Variants in KDM4B observed in about 807,000 individuals in gnomAD.
KDM4B encodes lysine demethylase 4B, also known as lysine-specific demethylase 4B.
KDM4B carries 32 observed loss-of-function variants against 125.2 expected under a neutral mutation model. That is an observed-to-expected ratio of 0.26 (90% CI 0.19 to 0.34). KDM4B has a LOEUF of 0.34. Among genes scored for constraint, KDM4B ranks in the 10% least tolerant of loss-of-function variants. The pLI is 1.00. For synonymous variants in KDM4B, 721 were observed against 677.9 expected (o/e 1.06, Z -0.99); for missense variants, 1,190 against 1,577.7 (o/e 0.75, Z 4.16).
At chr19:5,090,481 T>TCTTTCTCTCCCCCC (rs2038667940) in intron 9 of KDM4B, among the ~76,000 whole-genome samples, 1 of 24,046 alleles carries the variant, frequency 4.2e-5, no homozygotes. Context: ...TCTCCCCCCC[T>TCTTTCTCTCCCCCC]CTCTTTCTCT....
At chr19:5,031,311 G>A (rs1304685013) in intron 2 of KDM4B, among the ~76,000 whole-genome samples, 6 of 152,240 alleles carry the variant, frequency 3.9e-5, no homozygotes, top group Non-Finnish European at 8.8e-5. Context: ...CTGGGCACAG[G>A]CAGCTCTGGT....
At chr19:5,086,794 C>T (rs990314946) in intron 9 of KDM4B, among the ~76,000 whole-genome samples, 5 of 152,256 alleles carry the variant, frequency 3.3e-5, no homozygotes. Flanking sequence ...GCAGGCCAGA[C>T]CACTGCCACA....
intron 1 of KDM4B, among the ~76,000 whole-genome samples, chr19:5,014,584 A>G (rs1311879224): frequency 1.3e-5 from 2 of 151,778 alleles, no homozygotes; most frequent in Non-Finnish European, 2.9e-5. Context: ...CTAAGTTTTA[A>G]ATTTTTTGTA....
chr19:5,104,451 A>T (rs921307113), intron 9 of KDM4B, among the ~76,000 whole-genome samples: 1 of 152,044 alleles, frequency 6.6e-6, no homozygotes, highest in African/African-American at 2.4e-5. Flanking sequence ...TTTTATGGCC[A>T]CAATTGCAGA....
chr19:5,122,053 G>A (rs964651700), intron 11 of KDM4B, among the ~76,000 whole-genome samples: 11 of 152,168 alleles, frequency 7.2e-5, no homozygotes, highest in Admixed American at 3.9e-4. Flanking sequence ...CCTTGGTGGC[G>A]TAAAACAACA....
At chr19:5,010,692 G>A (rs2035700952) in intron 1 of KDM4B, among the ~76,000 whole-genome samples, 1 of 152,176 alleles carries the variant, frequency 6.6e-6, no homozygotes, top group African/African-American at 2.4e-5. Context: ...CTTTTGCCCA[G>A]GCTGGAATGC....
At chr19:5,150,942 G>T (rs2039936058) in intron 22 of KDM4B, among the ~76,000 whole-genome samples, 1 of 152,252 alleles carries the variant, frequency 6.6e-6, no homozygotes, top group African/African-American at 2.4e-5. Flanking sequence ...CGCTCCCCCA[G>T]CCCTCATGGG....
At chr19:5,107,841 G>A (rs2620857) in intron 9 of KDM4B, among the ~76,000 whole-genome samples, 47,001 of 152,166 alleles carry the variant, frequency 0.31, 7,587 homozygotes, top group East Asian at 0.63. Context: ...CTGTGTCCTC[G>A]AAGGCTGTGC....
At chr19:4,987,203 C>T (rs2034867204) in intron 1 of KDM4B, among the ~76,000 whole-genome samples, 1 of 152,206 alleles carries the variant, frequency 6.6e-6, no homozygotes, top group Non-Finnish European at 1.5e-5. Context: ...AGGTGATCTG[C>T]TCTCCTCGGC....
At chr19:5,140,184 T>G (rs998852328) in intron 18 of KDM4B, 2 of 152,522 alleles carry the variant, frequency 1.3e-5, no homozygotes, top group African/African-American at 4.8e-5. Context: ...AGGCCCCCAG[T>G]GTCACCTACT....
chr19:5,143,983 G>A lies in KDM4B; in HGVS notation c.2567G>A (p.Arg856Gln), dbSNP rs151210479. The A allele has an allele frequency of 2.5e-6, 4 of 1,586,018 alleles. No individual in the cohort carries two copies. Among genetic ancestry groups the A allele is most frequent in the African/African-American group, 1.3e-5 (1 of 74,372 alleles). Reference protein sequence around the residue: ...QRWKLKCVYCRKRMKKVSGAC... With the variant: ...QRWKLKCVYCQKRMKKVSGAC... Reference sequence around the variant, plus strand: ...CATCCCCAGAAATGCGTGTACTGCCGGAAGCGGATGAAGAAGGTGTCAGGT... The same window carrying A: ...CATCCCCAGAAATGCGTGTACTGCCAGAAGCGGATGAAGAAGGTGTCAGGT... The change falls in exon 19 of 23, where the codon CGG (arginine) becomes CAG (glutamine). Residue 856 changes from arginine (R) to glutamine (Q), a missense_variant. Physicochemically the swap from Arg to Gln is conservative, Grantham distance 43. Around this residue, in one of 7 missense-constraint regions of KDM4B, gnomAD observed 298 missense variants for 439.7 expected, o/e 0.68. Coordinates refer to ENST00000159111, the MANE Select transcript of KDM4B (RefSeq NM_015015.3).
chr19:5,090,985 C>T (rs1599600515), intron 9 of KDM4B, among the ~76,000 whole-genome samples: 1 of 152,156 alleles, frequency 6.6e-6, no homozygotes, highest in Non-Finnish European at 1.5e-5. Context: ...GATCCCCCGG[C>T]ATGTGCTCCA....
chr19:5,033,079 C>T (rs372576910), intron 3 of KDM4B, 48 bp downstream of exon 3: 110 of 1,591,580 alleles, frequency 6.9e-5, no homozygotes, highest in Middle Eastern at 1.9e-4. Context: ...GCCTGCGCCG[C>T]GGGCCTGCGG....
chr19:5,006,631 G>A (rs2035567439), intron 1 of KDM4B, among the ~76,000 whole-genome samples: 2 of 152,120 alleles, frequency 1.3e-5, no homozygotes, highest in African/African-American at 2.4e-5. Flanking sequence ...AAATTAGCTG[G>A]GCATGGTGGC....
chr19:5,051,762 G>T (rs1209433222), intron 6 of KDM4B, among the ~76,000 whole-genome samples: 1 of 152,260 alleles, frequency 6.6e-6, no homozygotes, highest in Non-Finnish European at 1.5e-5. Flanking sequence ...CGGGGCGAAG[G>T]AGCGCTTGCC....
At chr19:5,127,789 T>A (rs924052567) in intron 11 of KDM4B, among the ~76,000 whole-genome samples, 16 of 152,190 alleles carry the variant, frequency 1.1e-4, no homozygotes, top group Admixed American at 8.5e-4. Context: ...GGGACGATGG[T>A]GGCCTCAGCT....
At chr19:5,080,517 C>T (rs57651455) in intron 8 of KDM4B, among the ~76,000 whole-genome samples, 4,613 of 152,346 alleles carry the variant, frequency 0.03, 238 homozygotes, top group African/African-American at 0.1. Context: ...GGAGACACCG[C>T]CAGCCCCAGG....
intron 1 of KDM4B, among the ~76,000 whole-genome samples, chr19:4,998,276 A>C (rs977559263): frequency 2.0e-5 from 3 of 152,216 alleles, no homozygotes; most frequent in African/African-American, 7.2e-5. Flanking sequence ...GTGCCAGGTG[A>C]CCAAGCCTGT....
intron 9 of KDM4B, among the ~76,000 whole-genome samples, chr19:5,089,810 C>G (rs1235418776): frequency 1.8e-4 from 28 of 151,834 alleles, no homozygotes; most frequent in Non-Finnish European, 8.8e-5. Context: ...AAGCACCCCA[C>G]AGTTCCCAAG....
Sources: allele counts gnomAD v4.1 joint callset (sites outside exome capture counted in the v4.1 genomes callset), GRCh38; gene constraint gnomAD v4.1.1; regional missense constraint gnomAD v4.1.1; transcripts MANE v1.5; gene names NCBI Gene and HGNC (gene_info 2026-07-23, HGNC 2026-07-21).